The following USP39 variants were observed in gnomAD, a reference collection of about 807,000 sequenced individuals.
USP39 encodes the protein ubiquitin carboxyl-terminal hydrolase 39.
In USP39, 38 loss-of-function variants were observed where a neutral mutation model predicts 66.4. That is an observed-to-expected ratio of 0.57 (90% CI 0.44 to 0.75). The LOEUF (loss-of-function observed/expected upper bound fraction) is 0.75, where lower values mean the gene tolerates loss of function less well. USP39 is among the 30% of genes least tolerant of loss of function. The probability of loss-of-function intolerance (pLI) is 0.00; values close to 1 mark genes in which losing one functional copy is unlikely to be tolerated. For missense variants in USP39, 608 were observed against 714.4 expected (o/e 0.85, Z 1.70); for synonymous variants, 303 against 274.6 (o/e 1.10, Z -1.02).
upstream of USP39, among the ~76,000 whole-genome samples, chr2:85,614,391 GT>G (rs1673775175): frequency 6.6e-6 from 1 of 152,086 alleles, no homozygotes; most frequent in Admixed American, 6.6e-5. Flanking sequence ...GCAGGTGCAT[GT>G]AATCCCAGCT....
chr2:85,633,196 C>A (rs1483189170), intron 6 of USP39, among the ~76,000 whole-genome samples: 1 of 151,790 alleles, frequency 6.6e-6, no homozygotes, highest in Non-Finnish European at 1.5e-5. Context: ...TCTCGGCTCA[C>A]TGCAACCTCT....
chr2:85,630,819 C>T lies in USP39; in HGVS notation c.822C>T (p.Val274=). The change falls in exon 6 of 13, where the codon GTC becomes GTT. Residue 274 remains valine (V), a synonymous_variant. Transcript: ENST00000323701. The part of the protein sequence containing the change: ...RPPGDIMFLL[V]QRFGELMRKL... Reference sequence around the variant, plus strand: ...CAGGGGATATCATGTTCTTGTTGGTCCAGCGTTTTGGAGAGCTGATGAGAA... The same window carrying T: ...CAGGGGATATCATGTTCTTGTTGGTTCAGCGTTTTGGAGAGCTGATGAGAA... The T allele has an allele frequency of 6.2e-7, 1 of 1,614,136 alleles. No individual in the cohort carries two copies. Among genetic ancestry groups the T allele is most frequent in the Non-Finnish European group, 8.5e-7 (1 of 1,180,030 alleles).
chr2:85,636,129 G>A lies in USP39; in HGVS notation c.1026G>A (p.Lys342=). Residue 342 remains lysine (K), a splice_region_variant and synonymous_variant, in exon 7 of 13, where the codon AAG becomes AAA. Coordinates refer to ENST00000323701, the MANE Select transcript of USP39 (RefSeq NM_006590.4). ...TGGGGGGCACAAAGAAGAAAAAGAA[G>A]AGTAAGTCATTTACTTATAAAAAGG... ...SALGGTKKKK[K]TIVTDVFQGS... 2 of 1,613,408 alleles carry A rather than the reference G, an allele frequency of 1.2e-6. No homozygotes were observed. The highest frequency in any genetic ancestry group is 1.7e-6 in the Non-Finnish European group (2 of 1,179,806).
At chr2:85,616,671 CTTTTTTCTTTTTTT>C (rs1558846545) in intron 1 of USP39, among the ~76,000 whole-genome samples, 1 of 109,132 alleles carries the variant, frequency 9.2e-6, no homozygotes, top group African/African-American at 3.8e-5. Context: ...TATAGTATTT[CTTTTTTCTTTTTTT>C]TTTTTTTTTT....
chr2:85,633,167 C>T (rs949303831), intron 6 of USP39, among the ~76,000 whole-genome samples: 4 of 152,134 alleles, frequency 2.6e-5, no homozygotes, highest in Admixed American at 6.6e-5. Flanking sequence ...GTTGCCCAAG[C>T]TGGAGTGCAG....
intron 1 of USP39, 57 bp from the exon 2 acceptor site, chr2:85,619,163 A>T: frequency 1.3e-6 from 2 of 1,566,014 alleles, no homozygotes; most frequent in South Asian, 1.1e-5. Flanking sequence ...TTGTTCTGTT[A>T]GTTGGCCCTG....
upstream of USP39, chr2:85,609,366 T>A: frequency 6.4e-7 from 1 of 1,570,152 alleles, no homozygotes; most frequent in South Asian, 1.2e-5. Context: ...AAAACAGGGC[T>A]CAGGGTCTGA....
chr2:85,638,934 A>C (rs905320460), intron 8 of USP39, among the ~76,000 whole-genome samples: 1 of 151,946 alleles, frequency 6.6e-6, no homozygotes, highest in Non-Finnish European at 1.5e-5. Context: ...TTGTTCCCAA[A>C]GTGTTGAGAT....
chr2:85,618,420 G>A (rs1050198850), intron 1 of USP39, among the ~76,000 whole-genome samples: 2 of 151,870 alleles, frequency 1.3e-5, no homozygotes, highest in Non-Finnish European at 2.9e-5. Context: ...AAATTAGCTG[G>A]GTGTGGTGGC....
upstream of USP39, chr2:85,610,313 A>C (rs1378212588): frequency 1.3e-5 from 2 of 152,174 alleles, no homozygotes; most frequent in East Asian, 3.9e-4. Flanking sequence ...CCGCGCCCGG[A>C]CCAGTGTAAG....
chr2:85,612,246 A>G, upstream of USP39: 4 of 1,384,528 alleles, frequency 2.9e-6, no homozygotes, highest in Non-Finnish European at 3.9e-6. Context: ...TTCGTAACAT[A>G]TCAATAGGAA....
intron 8 of USP39, among the ~76,000 whole-genome samples, chr2:85,638,595 A>G (rs1007264556): frequency 1.3e-5 from 2 of 151,748 alleles, no homozygotes; most frequent in Admixed American, 6.6e-5. Context: ...CTGGAGTGCA[A>G]TGGCACTATC....
In USP39 at chr2:85,625,528, T is replaced by C; in HGVS notation, c.571-11T>C. The stretch of plus-strand genomic sequence containing the variant: ...CTCTTAAACAACTTAGCATTTTCTT[T>C]TGCTTTGCAGTATGTGTTGAAGCCC... On this transcript the variant is annotated splice_polypyrimidine_tract_variant and intron_variant, in intron 4 of 12. Coordinates refer to ENST00000323701, the MANE Select transcript of USP39 (RefSeq NM_006590.4). 1.2e-6 allele frequency: 2 copies of C among 1,613,332 alleles called. No homozygotes were observed. Among genetic ancestry groups the C allele is most frequent in the South Asian group, 1.1e-5 (1 of 91,048 alleles).
intron 5 of USP39, among the ~76,000 whole-genome samples, chr2:85,626,696 A>T (rs1052108065): frequency 6.6e-6 from 1 of 152,036 alleles, no homozygotes; most frequent in African/African-American, 2.4e-5. Context: ...TTGGAAAGGC[A>T]GAAAACCAAA....
At chr2:85,621,190 T>C in intron 2 of USP39, 1 of 225,088 alleles carries the variant, frequency 4.4e-6, no homozygotes. Context: ...TAGTCTAACT[T>C]GTAGCTTTCT....
chr2:85,613,146 G>C (rs898254061), upstream of USP39, among the ~76,000 whole-genome samples: 1 of 152,044 alleles, frequency 6.6e-6, no homozygotes, highest in Admixed American at 6.6e-5. Flanking sequence ...TATCGCTGGA[G>C]GGAGGAATTT....
chr2:85,639,014 T>C (rs867934221), intron 8 of USP39, among the ~76,000 whole-genome samples, 189 bp from the exon 9 acceptor site: 11 of 152,132 alleles, frequency 7.2e-5, no homozygotes, highest in Admixed American at 3.3e-4. Context: ...AAAATATCTT[T>C]AAAGAAGGAA....
chr2:85,644,808 CCTT>C, intron 10 of USP39, 137 bp from the exon 11 acceptor site: 1 of 1,089,514 alleles, frequency 9.2e-7, no homozygotes, highest in African/African-American at 1.6e-5. Context: ...CGCACCTGGA[CCTT>C]CTTGACTCTG....
At chr2:85,613,461 G>GATCGAGCCA (rs1673707950), upstream of USP39, among the ~76,000 whole-genome samples, 1 of 152,134 alleles carries the variant, frequency 6.6e-6, no homozygotes, top group Non-Finnish European at 1.5e-5. Context: ...GCAGTCAGCC[G>GATCGAGCCA]AGATCGAGCC....
Sources: allele counts gnomAD v4.1 joint callset (sites outside exome capture counted in the v4.1 genomes callset), GRCh38; gene constraint gnomAD v4.1.1; transcripts MANE v1.5; gene names NCBI Gene and HGNC (gene_info 2026-07-23, HGNC 2026-07-21).